Variants in FUT6 observed in about 807,000 individuals in gnomAD.
The protein encoded by FUT6 is 4-galactosyl-N-acetylglucosaminide 3-alpha-L-fucosyltransferase FUT6.
For missense variants in FUT6, 454 were observed against 494.6 expected (o/e 0.92, Z 0.78); for synonymous variants, 187 against 209.9 (o/e 0.89, Z 0.94).
chr19:5,836,216 C>CTTTTCTTTTCTT (rs2057177837), intron 1 of FUT6, among the ~76,000 whole-genome samples: 1 of 150,624 alleles, frequency 6.6e-6, no homozygotes, highest in Non-Finnish European at 1.5e-5. Context: ...ATTTTCTTTT[C>CTTTTCTTTTCTT]TTTTCTTTTC....
Position 5,830,847 on chromosome 19 carries a change from G to A in FUT6, c.*641C>T, listed in dbSNP as rs1353176908. ...TCTCGATCTCCTGACCTTGTGATCC[G>A]CCTGCCTCGGCCTCCCAAAGTGCTG... On this transcript the variant is annotated 3_prime_UTR_variant, in exon 3 of 3. Transcript: ENST00000318336. 13 of 201,492 alleles carry A rather than the reference G, an allele frequency of 6.5e-5. No homozygotes were observed. The highest frequency in any genetic ancestry group is 4.6e-5 in the African/African-American group (2 of 43,146). 12.5% of individuals were successfully genotyped at this position (201,492 alleles called of 1,614,324 possible).
At chr19:5,834,615 T>A (rs1333541394) in intron 2 of FUT6, 1 of 152,238 alleles carries the variant, frequency 6.6e-6, no homozygotes, top group African/African-American at 2.4e-5. Flanking sequence ...CTGACCAATA[T>A]GGTGAAACCC....
chr19:5,834,739 G>T (rs2057157044), intron 2 of FUT6: 1 of 152,270 alleles, frequency 6.6e-6, no homozygotes, highest in African/African-American at 2.4e-5. Flanking sequence ...GGCGGAAGTA[G>T]TGAGCCACCT....
rs113764706 is a variant in FUT6, at chr19:5,832,505, C to G, written c.63G>C (p.Leu21=). ...WSWRCCLTTL[L]FQLLMAVCFF... ...AACACACAGCCATCAGCAGCTGAAA[C>G]AGCAGCGTGGTCAGACAGCAGCGCC... The change falls in exon 3 of 3, where the codon CTG becomes CTC. Residue 21 remains leucine (L), a synonymous_variant. Transcript: ENST00000318336. This position sits in a 1 kb window ranked among gnomAD's most constrained non-coding sequence, Gnocchi z 4.3. 1 of 1,613,774 alleles carries G rather than the reference C, an allele frequency of 6.2e-7. No homozygotes were observed. The highest frequency in any genetic ancestry group is 8.5e-7 in the Non-Finnish European group (1 of 1,180,004).
rs754485684 is a variant in FUT6 at position 5,831,340 on chromosome 19, G to A, written c.*148C>T. On this transcript the variant is annotated 3_prime_UTR_variant, in exon 3 of 3. Transcript: ENST00000318336. This position sits in a 1 kb window ranked among gnomAD's most constrained non-coding sequence, Gnocchi z 7.0. ...CAGGTAGGTGAATCCCCAGGCAGGT[G>A]AAGCTGCAACAGGTGACCGTCCCAG... 2 of 1,587,400 alleles carry A rather than the reference G, an allele frequency of 1.3e-6. No individual in the cohort carries two copies. The highest frequency in any genetic ancestry group is 1.7e-6 in the Non-Finnish European group (2 of 1,163,134).
chr19:5,839,594 TG>T lies in FUT6; in HGVS notation c.-1059del, dbSNP rs2057224460. 1 of 152,294 alleles carries T rather than the reference TG, an allele frequency of 6.6e-6. No individual in the cohort carries two copies. Among genetic ancestry groups the T allele is most frequent in the Non-Finnish European group, 1.5e-5 (1 of 68,130 alleles). 9.4% of individuals were successfully genotyped at this position (152,294 alleles called of 1,614,324 possible). ...TATTGGTGGCAGAAGCTTCCTCCGG[TG>T]GCCTCAACAAGCCCCTCTGTGTGCC... On this transcript the variant is annotated 5_prime_UTR_variant, in exon 1 of 3. Coordinates refer to ENST00000318336, the MANE Select transcript of FUT6 (RefSeq NM_000150.4).
Position 5,831,487 on chromosome 19 carries a change from C to T in FUT6, c.*1G>A, listed in dbSNP as rs749274423. On this transcript the variant is annotated 3_prime_UTR_variant, in exon 3 of 3. Coordinates refer to ENST00000318336, the MANE Select transcript of FUT6 (RefSeq NM_000150.4). This position sits in a 1 kb window ranked among gnomAD's most constrained non-coding sequence, Gnocchi z 7.0. ...GGCAGCCCAGGCCCCACACCAGCCTCTCAGGTGAACCAAGCCGCTATGCCG... is the reference window on the plus strand; with the variant it reads ...GGCAGCCCAGGCCCCACACCAGCCTTTCAGGTGAACCAAGCCGCTATGCCG... 8 of 1,613,904 alleles carry T rather than the reference C, an allele frequency of 5.0e-6. No individual in the cohort carries two copies. The South Asian group carries it at 8.8e-5, about 18-fold the overall frequency.
chr19:5,837,901 G>A (rs1363889578), intron 1 of FUT6: 1 of 152,208 alleles, frequency 6.6e-6, no homozygotes, highest in Non-Finnish European at 1.5e-5. Context: ...CCAAAGTTCT[G>A]GAAAAAGACT....
At chr19:5,837,832 G>T (rs928688776) in intron 1 of FUT6, 2 of 152,096 alleles carry the variant, frequency 1.3e-5, no homozygotes, top group Non-Finnish European at 2.9e-5. Flanking sequence ...GGTGCATAGC[G>T]GAGCTCCAGG....
At chr19:5,833,026 C>T (rs3859563) in intron 2 of FUT6, 61,602 of 194,498 alleles carry the variant, frequency 0.32, 10,379 homozygotes, top group East Asian at 0.47. Context: ...TATAAGAGCT[C>T]ACCAGATAGA....
At chr19:5,835,802 A>T (rs2057171309) in intron 1 of FUT6, among the ~76,000 whole-genome samples, 1 of 152,180 alleles carries the variant, frequency 6.6e-6, no homozygotes, top group Non-Finnish European at 1.5e-5. Context: ...TTCTGTGATG[A>T]CGGAAATGTT....
intron 1 of FUT6, among the ~76,000 whole-genome samples, chr19:5,835,982 G>A (rs2057174109): frequency 1.3e-5 from 2 of 152,082 alleles, no homozygotes; most frequent in African/African-American, 4.8e-5. Context: ...TCTACATCCT[G>A]AGATCAAGTG....
At chr19:5,836,090 T>C (rs1318536917) in intron 1 of FUT6, among the ~76,000 whole-genome samples, 1 of 151,866 alleles carries the variant, frequency 6.6e-6, no homozygotes, top group African/African-American at 2.4e-5. Flanking sequence ...AGTTTCACTA[T>C]GTTGGCCAGG....
At chr19:5,834,748 C>T (rs895487363) in intron 2 of FUT6, 1 of 152,190 alleles carries the variant, frequency 6.6e-6, no homozygotes, top group African/African-American at 2.4e-5. Context: ...AGTGAGCCAC[C>T]TGGATCACAC....
rs2057222574 is a variant in FUT6 at position 5,839,418 on chromosome 19, G to A, written c.-882C>T. 6.6e-6 allele frequency: 1 copy of A among 152,410 alleles called. No individual in the cohort carries two copies. 9.4% of individuals were successfully genotyped at this position (152,410 alleles called of 1,614,324 possible). ...GCTGGGTCTTCACCACTGGAGAGGA[G>A]GCAGAGCTGTTGCAGAGGCTGGGCC... is the stretch of plus-strand genomic sequence containing the variant. On this transcript the variant is annotated 5_prime_UTR_variant, in exon 1 of 3. Coordinates refer to ENST00000318336, the MANE Select transcript of FUT6 (RefSeq NM_000150.4).
chr19:5,837,514 C>T (rs1199656824), intron 1 of FUT6, among the ~76,000 whole-genome samples: 1 of 151,682 alleles, frequency 6.6e-6, no homozygotes, highest in Non-Finnish European at 1.5e-5. Context: ...CCTGTAGTCC[C>T]AGCACTTTGA....
chr19:5,831,879 T>C lies in FUT6; in HGVS notation c.689A>G (p.Gln230Arg). 1 of 1,613,882 alleles carries C rather than the reference T, an allele frequency of 6.2e-7. No individual in the cohort carries two copies. The highest frequency in any genetic ancestry group is 8.5e-7 in the Non-Finnish European group (1 of 1,179,866). The change falls in exon 3 of 3, where the codon CAG becomes CGG. Residue 230 changes from glutamine to arginine, a missense_variant. By Grantham distance (43) the Gln-to-Arg change is conservative. Coordinates refer to ENST00000318336, the MANE Select transcript of FUT6 (RefSeq NM_000150.4). This position sits in a 1 kb window ranked among gnomAD's most constrained non-coding sequence, Gnocchi z 7.0. ...GGACAGCGTCTCCATCATGGTTCCC[T>C]GGGGCAGGGGCTTGTGGGAGCGTCC... ...VYGRSHKPLP[Q>R]GTMMETLSRY...
rs2057160143 is a variant in FUT6 at position 5,834,961 on chromosome 19, C to T, written c.-24G>A. On this transcript the variant is annotated 5_prime_UTR_variant, in exon 2 of 3. Coordinates refer to ENST00000318336, the MANE Select transcript of FUT6 (RefSeq NM_000150.4). ...ACCATGATAAGGACCTGCTGCCGCT[C>T]CCTGGACACTGCTGCGTCTGACACC... 6.6e-6 allele frequency: 1 copy of T among 152,244 alleles called. No homozygotes were observed. Among genetic ancestry groups the T allele is most frequent in the South Asian group, 2.1e-4 (1 of 4,818 alleles). 9.4% of individuals were successfully genotyped at this position (152,244 alleles called of 1,614,324 possible).
At chr19:5,835,901 T>G (rs1404252077) in intron 1 of FUT6, among the ~76,000 whole-genome samples, 2 of 152,202 alleles carry the variant, frequency 1.3e-5, no homozygotes, top group Non-Finnish European at 2.9e-5. Context: ...TGCTAATTTT[T>G]TTTTTCATAC....
Sources: allele counts gnomAD v4.1 joint callset (sites outside exome capture counted in the v4.1 genomes callset), GRCh38; gene constraint gnomAD v4.1.1; non-coding constraint Gnocchi (gnomAD v3.1); transcripts MANE v1.5; gene names NCBI Gene and HGNC (gene_info 2026-07-23, HGNC 2026-07-21).